Variants in VPS8 observed in about 807,000 individuals in gnomAD.
The protein encoded by VPS8 is VPS8 subunit of CORVET complex.
In VPS8, 129 loss-of-function variants were observed where a neutral mutation model predicts 216.4. That is an observed-to-expected ratio of 0.60 (90% CI 0.52 to 0.69). VPS8 has a LOEUF of 0.69. VPS8 is among the 30% of genes least tolerant of loss of function. VPS8 has a pLI of 0.00. For synonymous variants in VPS8, 571 were observed against 565.4 expected, an observed-to-expected ratio of 1.01 and a Z score of -0.14; for missense variants, 1,531 against 1,683.5, an observed-to-expected ratio of 0.91 and a Z score of 1.59.
intron 7 of VPS8, among the ~76,000 whole-genome samples, chr3:184,841,420 A>G (rs1722121544): frequency 6.6e-6 from 1 of 152,172 alleles, no homozygotes; most frequent in South Asian, 2.1e-4. Context: ...TTTAATGGCT[A>G]TATAGTATTC....
At chr3:184,970,591 A>G (rs1345892235) in intron 39 of VPS8, among the ~76,000 whole-genome samples, 16 of 152,218 alleles carry the variant, frequency 1.1e-4, no homozygotes, top group Admixed American at 1.0e-3. Flanking sequence ...CCTGACTAGT[A>G]ATCAGCGAGT....
intron 17 of VPS8, 118 bp downstream of exon 17, chr3:184,867,068 T>C: frequency 1.1e-6 from 1 of 882,750 alleles, no homozygotes; most frequent in Non-Finnish European, 1.7e-6. Context: ...GCAATTATCC[T>C]AAACCCTTTG....
chr3:184,964,637 A>G (rs1577002666), intron 38 of VPS8, 80 bp downstream of exon 38: 3 of 915,014 alleles, frequency 3.3e-6, no homozygotes, highest in Admixed American at 3.4e-5. Context: ...ATTATGTTTC[A>G]AAGCCAGTTG....
At chr3:185,017,268 A>T (rs1181062180) in intron 45 of VPS8, among the ~76,000 whole-genome samples, 1 of 152,160 alleles carries the variant, frequency 6.6e-6, no homozygotes, top group Non-Finnish European at 1.5e-5. Context: ...AGCAGGTTGA[A>T]TTGGCCACGT....
At chr3:184,963,051 A>G (rs1176376640) in intron 37 of VPS8, among the ~76,000 whole-genome samples, 1 of 152,040 alleles carries the variant, frequency 6.6e-6, no homozygotes, top group Non-Finnish European at 1.5e-5. Flanking sequence ...CCCTATATCC[A>G]TACCACATAT....
At chr3:184,960,680 C>T (rs1467288514) in intron 37 of VPS8, among the ~76,000 whole-genome samples, 1 of 152,030 alleles carries the variant, frequency 6.6e-6, no homozygotes, top group Non-Finnish European at 1.5e-5. Flanking sequence ...CTGCAACATC[C>T]CAATATTAGG....
rs758775373 is a variant in VPS8 at position 184,913,555 on chromosome 3, A to G, written c.2183A>G (p.Tyr728Cys). ...GTTATGGGCAATAAGCTCCTTGTAT[A>G]TATTAGGTAAGATTGTTTTATTTAT... ...QVVMGNKLLV[Y>C]ISCCLAGRAY... The change falls in exon 26 of 48, where the codon TAT (tyrosine) becomes TGT (cysteine). Residue 728 changes from tyrosine to cysteine, a missense_variant. Transcript: ENST00000625842. The G allele has an allele frequency of 3.8e-6, 6 of 1,578,182 alleles. No individual in the cohort carries two copies. Among genetic ancestry groups the G allele is most frequent in the South Asian group, 3.5e-5 (3 of 84,526 alleles).
chr3:184,997,987 G>C (rs1217268486), intron 44 of VPS8, among the ~76,000 whole-genome samples: 1 of 152,118 alleles, frequency 6.6e-6, no homozygotes, highest in Non-Finnish European at 1.5e-5. Context: ...AGGCAGAGGA[G>C]CCAAGTGCAG....
At chr3:184,900,832 C>A in intron 24 of VPS8, 89 bp from the exon 25 acceptor site, 1 of 1,115,550 alleles carries the variant, frequency 9.0e-7, no homozygotes, top group Non-Finnish European at 1.3e-6. Flanking sequence ...ATTCCATTAG[C>A]GAATGGTGAT....
intron 45 of VPS8, among the ~76,000 whole-genome samples, chr3:185,002,171 T>C (rs1397258597): frequency 6.6e-6 from 1 of 152,232 alleles, no homozygotes; most frequent in Non-Finnish European, 1.5e-5. Context: ...TGCCAATACT[T>C]ATGGCATTAT....
intron 1 of VPS8, chr3:184,813,666 G>A (rs561874840): frequency 6.6e-6 from 1 of 152,280 alleles, no homozygotes; most frequent in East Asian, 1.9e-4. Context: ...AGAGTAATAT[G>A]TTGATTTTTT....
At chr3:185,032,506 C>T (rs1416147739) in intron 46 of VPS8, among the ~76,000 whole-genome samples, 1 of 152,018 alleles carries the variant, frequency 6.6e-6, no homozygotes, top group South Asian at 2.1e-4. Context: ...TTGTGGTCAG[C>T]CGATTCTCAG....
intron 42 of VPS8, among the ~76,000 whole-genome samples, chr3:184,984,264 G>C (rs922180017): frequency 1.4e-5 from 2 of 142,814 alleles, no homozygotes; most frequent in African/African-American, 5.2e-5. Flanking sequence ...TGTAGTCTTT[G>C]TCATTACATG....
rs529548177 is a variant in VPS8 at position 184,886,185 on chromosome 3, T to G, written c.1781+29T>G. The stretch of plus-strand genomic sequence containing the variant: ...AGTATGCGTTGCCTGTCACATTCAA[T>G]TATTTTGAACCCAGGTAGCCTCTTA... On this transcript the variant is annotated intron_variant, in intron 22 of 47. Transcript: ENST00000625842. 1.6e-5 allele frequency: 26 copies of G among 1,593,922 alleles called. No individual in the cohort carries two copies. In the East Asian group the frequency reaches 4.5e-4, roughly 28 times the overall value.
At chr3:185,029,469 T>G (rs1278534212) in intron 46 of VPS8, among the ~76,000 whole-genome samples, 1 of 152,134 alleles carries the variant, frequency 6.6e-6, no homozygotes, top group African/African-American at 2.4e-5. Flanking sequence ...TCCTGGGGCT[T>G]CTTTTTAGGT....
At chr3:184,866,822 T>A in intron 16 of VPS8, 54 bp from the exon 17 acceptor site, 10 of 1,524,436 alleles carry the variant, frequency 6.6e-6, no homozygotes, top group Non-Finnish European at 9.0e-6. Context: ...TTAAAAAATA[T>A]ATTAAATACA....
chr3:184,984,194 A>AAAAAAAAAAAAACTCACCAAG lies in VPS8; in HGVS notation c.3585+1100_3585+1101insAAAAAAAAAAAACTCACCAAG. On this transcript the variant is annotated intron_variant, in intron 42 of 47. Coordinates refer to ENST00000625842, the MANE Select transcript of VPS8 (RefSeq NM_001009921.3). ...GCGAGACTCCGTCTCAAAAAAAAAA[A>AAAAAAAAAAAAACTCACCAAG]CTCTACTTCCCATCTGATATTAAGC... is the stretch of plus-strand genomic sequence containing the variant. Among the ~76,000 whole-genome samples the AAAAAAAAAAAAACTCACCAAG allele has an allele frequency of 1.4e-3, 67 of 46,530 alleles. 23 individuals carry two copies. Among genetic ancestry groups the AAAAAAAAAAAAACTCACCAAG allele is most frequent in the East Asian group, 2.2e-3 (3 of 1,374 alleles). 30.5% of individuals were successfully genotyped at this position (46,530 alleles called of 152,430 possible).
chr3:185,030,530 T>C (rs1757968686), intron 46 of VPS8, among the ~76,000 whole-genome samples: 1 of 152,154 alleles, frequency 6.6e-6, no homozygotes, highest in African/African-American at 2.4e-5. Context: ...GCACAGGGAA[T>C]GAGAGAGTGG....
rs574170875 is a variant in VPS8 at position 185,012,046 on chromosome 3, A to G, written c.4002+12185A>G. ...GAAAATTTTATTAGATGTCAACAGCATTTTTAACACTGAAAAAAATTAGTA... is the reference window on the plus strand; with the variant it reads ...GAAAATTTTATTAGATGTCAACAGCGTTTTTAACACTGAAAAAAATTAGTA... On this transcript the variant is annotated intron_variant, in intron 45 of 47. Transcript: ENST00000625842. Among the ~76,000 whole-genome samples, 21 of 152,228 alleles carry G rather than the reference A, an allele frequency of 1.4e-4. No homozygotes were observed. The South Asian group carries it at 1.4e-3, about 11-fold the overall frequency.
Sources: allele counts gnomAD v4.1 joint callset (sites outside exome capture counted in the v4.1 genomes callset), GRCh38; gene constraint gnomAD v4.1.1; transcripts MANE v1.5; gene names NCBI Gene and HGNC (gene_info 2026-07-23, HGNC 2026-07-21).